DNTT: variants seen among roughly 807,000 people sequenced by gnomAD.
DNTT encodes the protein nucleosidetriphosphate:DNA deoxynucleotidylexotransferase.
A neutral mutation model predicts 60.9 loss-of-function variants in DNTT; 47 were observed. The observed-to-expected ratio is 0.77, with a 90% CI of 0.61 to 0.98. The LOEUF is 0.98. Among genes scored for constraint, DNTT ranks in the 50% least tolerant of loss-of-function variants. DNTT has a pLI of 0.00. For synonymous variants in DNTT, 224 were observed against 221.2 expected, an observed-to-expected ratio of 1.01 and a Z score of -0.11; for missense variants, 665 against 627.5, an observed-to-expected ratio of 1.06 and a Z score of -0.64.
intron 8 of DNTT, 100 bp from the exon 9 acceptor site, chr10:96,332,251 G>A: frequency 6.6e-7 from 1 of 1,525,044 alleles, no homozygotes; most frequent in Non-Finnish European, 8.8e-7. Flanking sequence ...ACATGTCCAT[G>A]TTCTGCTCGA....
intron 8 of DNTT, 58 bp downstream of exon 8, chr10:96,328,888 T>C: frequency 6.5e-7 from 1 of 1,528,354 alleles, no homozygotes; most frequent in Non-Finnish European, 9.0e-7. Flanking sequence ...CACTTGAATT[T>C]TGCACATTAC....
intron 1 of DNTT, among the ~76,000 whole-genome samples, chr10:96,309,572 G>A (rs1465179956): frequency 6.6e-6 from 1 of 151,842 alleles, no homozygotes; most frequent in East Asian, 1.9e-4. Flanking sequence ...TTTCCATTCA[G>A]TCATTATATA....
rs1844815312 is a variant in DNTT, at chr10:96,318,354, A to C, written c.206A>C (p.Asp69Ala). 2.5e-6 allele frequency: 4 copies of C among 1,608,694 alleles called. 1 individual carries two copies. The Admixed American group carries it at 5.0e-5, about 20-fold the overall frequency. The change falls in exon 2 of 11, where the codon GAT (aspartate) becomes GCT (alanine). Residue 69 changes from aspartate (D) to alanine (A), a missense_variant and splice_region_variant. Transcript: ENST00000371174. ...KGFRVENELS[D>A]SVTHIVAENN... ...TAACTCTGTCTTGCATTTTGCAGTG[A>C]TTCTGTCACCCACATCGTAGCAGAG...
intron 1 of DNTT, among the ~76,000 whole-genome samples, chr10:96,309,380 AG>A (rs1844681939): frequency 1.3e-5 from 2 of 152,196 alleles, no homozygotes; most frequent in Non-Finnish European, 2.9e-5. Flanking sequence ...ACAGTCAGAC[AG>A]GAAAGTCAGG....
At chr10:96,304,748 A>G in intron 1 of DNTT, 48 bp downstream of exon 1, 1 of 1,583,544 alleles carries the variant, frequency 6.3e-7, no homozygotes, top group South Asian at 1.1e-5. Context: ...GGCTTTGTGA[A>G]CAGCTTCTTG....
rs759841633 is a variant in DNTT at position 96,319,379 on chromosome 10, C to A, written c.496C>A (p.Gln166Lys). ...AAGAACCACTTTAAACAACTGTAAC[C>A]AGATATTCACGGTAACGGGACTTTA... is the stretch of plus-strand genomic sequence containing the variant. ...QRRTTLNNCN[Q>K]IFTDAFDILA... The change falls in exon 3 of 11, where the codon CAG becomes AAG. Residue 166 changes from glutamine to lysine, a missense_variant. Physicochemically the swap from Gln to Lys is moderately conservative, Grantham distance 53. Coordinates refer to ENST00000371174, the MANE Select transcript of DNTT (RefSeq NM_004088.4). 6.2e-7 allele frequency: 1 copy of A among 1,613,656 alleles called. No homozygotes were observed. The highest frequency in any genetic ancestry group is 8.5e-7 in the Non-Finnish European group (1 of 1,179,688).
chr10:96,307,716 TATATATATATATATATAA>T (rs1844658951), intron 1 of DNTT, among the ~76,000 whole-genome samples: 5 of 140,250 alleles, frequency 3.6e-5, no homozygotes, highest in Non-Finnish European at 6.1e-5. Flanking sequence ...TATATATATA[TATATATATATATATATAA>T]GCATATATAT....
chr10:96,332,862 C>CG (rs1470228994), intron 9 of DNTT, among the ~76,000 whole-genome samples: 2 of 152,154 alleles, frequency 1.3e-5, no homozygotes, highest in African/African-American at 4.8e-5. Flanking sequence ...AATTCTTCAC[C>CG]CCACTCCAAA....
At chr10:96,319,453 C>G (rs547815878) in intron 3 of DNTT, 63 bp downstream of exon 3, 4 of 1,591,256 alleles carry the variant, frequency 2.5e-6, no homozygotes, top group Non-Finnish European at 3.4e-6. Flanking sequence ...TTCTGTGGAC[C>G]GCAAATTAAA....
intron 6 of DNTT, among the ~76,000 whole-genome samples, chr10:96,325,501 T>C (rs1844928834): frequency 6.6e-6 from 1 of 152,210 alleles, no homozygotes; most frequent in Non-Finnish European, 1.5e-5. Context: ...TAGTGTTTCA[T>C]TTGGATGAAA....
chr10:96,314,452 G>T (rs374480245), intron 1 of DNTT, among the ~76,000 whole-genome samples: 1 of 96,912 alleles, frequency 1.0e-5, no homozygotes, highest in Non-Finnish European at 2.0e-5. Flanking sequence ...TCGCTCTGTC[G>T]CCCAGGCTGG....
chr10:96,317,570 CGAT>C (rs1278910072), intron 1 of DNTT, among the ~76,000 whole-genome samples: 1 of 152,054 alleles, frequency 6.6e-6, no homozygotes, highest in Admixed American at 6.5e-5. Context: ...ATCCCCAAAG[CGAT>C]GATATTAGAA....
chr10:96,336,648 CT>C (rs1245203375), intron 10 of DNTT, among the ~76,000 whole-genome samples: 4 of 152,110 alleles, frequency 2.6e-5, no homozygotes, highest in Non-Finnish European at 4.4e-5. Context: ...CTCAAAATAA[CT>C]AGAAGTAATG....
intron 8 of DNTT, among the ~76,000 whole-genome samples, chr10:96,331,343 G>C (rs10882774): frequency 0.73 from 111,108 of 152,164 alleles, 44,183 homozygotes; most frequent in East Asian, 0.92. Context: ...ACCTGAGGCT[G>C]GGTAATTTAT....
At chr10:96,320,837 C>T (rs749192079) in intron 4 of DNTT, 49 bp downstream of exon 4, 144 of 1,601,220 alleles carry the variant, frequency 9.0e-5, no homozygotes, top group Non-Finnish European at 1.1e-4. Flanking sequence ...TAGGTGGGAA[C>T]GGGGGAGAGA....
intron 8 of DNTT, among the ~76,000 whole-genome samples, chr10:96,330,934 T>C (rs933889632): frequency 2.0e-5 from 3 of 152,142 alleles, no homozygotes; most frequent in Admixed American, 1.3e-4. Flanking sequence ...TCCCAGTAGC[T>C]TGATGACATT....
At position 96,320,644 on chromosome 10, in the gene DNTT, CTG is replaced by C; in HGVS notation, c.537_538del (p.Cys179Ter). The C allele has an allele frequency of 6.2e-7, 1 of 1,613,774 alleles. No individual in the cohort carries two copies. Among genetic ancestry groups the C allele is most frequent in the Non-Finnish European group, 8.5e-7 (1 of 1,179,770 alleles). ...TDAFDILAEN[C>X]EFRENEDSCV... ...ATGCCTTTGATATACTGGCTGAAAA[CTG>C]TGAGTTTAGAGAAAATGAAGACTCC... On this transcript the variant is annotated frameshift_variant, in exon 4 of 11. Transcript: ENST00000371174. LOFTEE classifies it high-confidence loss of function.
intron 1 of DNTT, among the ~76,000 whole-genome samples, chr10:96,308,898 A>G (rs1844675134): frequency 6.6e-6 from 1 of 152,192 alleles, no homozygotes; most frequent in Non-Finnish European, 1.5e-5. Flanking sequence ...CAATGGTGGA[A>G]TGTCATCAGT....
chr10:96,331,587 T>C (rs1445465325), intron 8 of DNTT, among the ~76,000 whole-genome samples: 1 of 151,992 alleles, frequency 6.6e-6, no homozygotes, highest in Admixed American at 6.6e-5. Context: ...ACTCACTCAT[T>C]ACCATGAGGA....
Sources: gnomAD v4.1 joint callset for allele counts (sites outside exome capture counted in the v4.1 genomes callset) on GRCh38, gnomAD v4.1.1 for gene constraint, MANE v1.5 for transcripts, NCBI Gene and HGNC (gene_info 2026-07-23, HGNC 2026-07-21) for gene names.